Variants in ENTPD1 observed in about 807,000 individuals in gnomAD.
ENTPD1 encodes the protein ectonucleoside triphosphate diphosphohydrolase 1.
ENTPD1 carries 33 observed loss-of-function variants against 57.0 expected under a neutral mutation model. That is an observed-to-expected ratio of 0.58 (90% CI 0.44 to 0.77). ENTPD1 has a LOEUF of 0.77. Ranked by LOEUF, ENTPD1 falls within the 30% of genes least tolerant of loss-of-function variation. The probability of loss-of-function intolerance (pLI) is 0.00; values close to 1 mark genes in which losing one functional copy is unlikely to be tolerated. For missense variants in ENTPD1, 501 were observed against 603.4 expected (o/e 0.83, Z 1.78); for synonymous variants, 202 against 218.8 (o/e 0.92, Z 0.68).
At chr10:95,772,935 A>G (rs2098120329) in intron 1 of ENTPD1, among the ~76,000 whole-genome samples, 1 of 152,200 alleles carries the variant, frequency 6.6e-6, no homozygotes, top group South Asian at 2.1e-4. Flanking sequence ...AAAGAAAGAA[A>G]GTTTATTTGG....
At chr10:95,823,148 G>T (rs1590018298) in intron 1 of ENTPD1, 89 bp from the exon 2 acceptor site, 11 of 1,518,366 alleles carry the variant, frequency 7.2e-6, no homozygotes, top group Non-Finnish European at 1.0e-5. Flanking sequence ...ATGTCTCCAG[G>T]TAGCCATTAC....
chr10:95,807,296 G>C (rs1195285430), intron 1 of ENTPD1, among the ~76,000 whole-genome samples: 1 of 152,216 alleles, frequency 6.6e-6, no homozygotes, highest in Non-Finnish European at 1.5e-5. Flanking sequence ...AAGGCTCCGT[G>C]GGTGTGTGAC....
chr10:95,803,547 A>C (rs1369654935), intron 1 of ENTPD1, among the ~76,000 whole-genome samples: 2 of 151,896 alleles, frequency 1.3e-5, no homozygotes, highest in African/African-American at 4.8e-5. Flanking sequence ...CCACTTTTTG[A>C]TGGGGTTGTT....
chr10:95,870,206 G>A lies in ENTPD1; in HGVS notation c.*3823G>A. 6 of 985,384 alleles carry A rather than the reference G, an allele frequency of 6.1e-6. No individual in the cohort carries two copies. The highest frequency in any genetic ancestry group is 7.2e-6 in the Non-Finnish European group (6 of 829,926). The allele number at this position is 985,384 out of a possible 1,614,324, so 61.0% of individuals were successfully genotyped here. On this transcript the variant is annotated 3_prime_UTR_variant, in exon 10 of 10. Transcript: ENST00000371205. The stretch of plus-strand genomic sequence containing the variant: ...TCCAAGATGCATGACAAGAGACCTT[G>A]GGAAAGTTTCATCTGGATTTAAAGA...
At chr10:95,733,793 T>C (rs1363346918) in intron 1 of ENTPD1, among the ~76,000 whole-genome samples, 1 of 152,170 alleles carries the variant, frequency 6.6e-6, no homozygotes, top group Non-Finnish European at 1.5e-5. Context: ...GTGGCAGAAT[T>C]CTTTGTTAAG....
At chr10:95,730,959 T>C (rs1354549388) in intron 1 of ENTPD1, among the ~76,000 whole-genome samples, 1 of 152,248 alleles carries the variant, frequency 6.6e-6, no homozygotes, top group Non-Finnish European at 1.5e-5. Context: ...TGCTAAGGAC[T>C]TGCCTAAAGT....
intron 1 of ENTPD1, among the ~76,000 whole-genome samples, chr10:95,770,636 C>T (rs2098112836): frequency 6.6e-6 from 1 of 152,156 alleles, no homozygotes; most frequent in South Asian, 2.1e-4. Context: ...AAAGCTTGCT[C>T]TAAGATTCAC....
intron 1 of ENTPD1, among the ~76,000 whole-genome samples, chr10:95,719,436 G>A (rs750297473): frequency 3.5e-4 from 54 of 152,272 alleles, no homozygotes; most frequent in Non-Finnish European, 4.3e-4. Context: ...TGCCGTACCT[G>A]GGAATCCATA....
chr10:95,813,704 G>T (rs1248731665), intron 1 of ENTPD1, among the ~76,000 whole-genome samples: 3 of 152,118 alleles, frequency 2.0e-5, no homozygotes, highest in Admixed American at 2.0e-4. Context: ...TGGTCAGTTG[G>T]GGGGCTTAGA....
At position 95,864,854 on chromosome 10, in the gene ENTPD1, T is replaced by C. The variant is rs746194133; in HGVS notation, c.1319T>C (p.Ile440Thr). 199 of 1,613,392 alleles carry C rather than the reference T, an allele frequency of 1.2e-4. No homozygotes were observed. The highest frequency in any genetic ancestry group is 1.6e-4 in the Non-Finnish European group (185 of 1,179,976). ...GATTCCTGGGAGCACATCCATTTCA[T>C]TGGCAAGGTAATTTGGGGGCCTGTT... is the stretch of plus-strand genomic sequence containing the variant. ...TADSWEHIHF[I>T]GKIQGSDAGW... The change falls in exon 9 of 10, where the codon ATT (isoleucine) becomes ACT (threonine). Residue 440 changes from isoleucine (I) to threonine (T), a missense_variant. Ile to Thr is a moderately conservative substitution (Grantham distance 89). Transcript: ENST00000371205.
rs77481225 is a variant in ENTPD1, at chr10:95,797,102, A to G, written c.17-26135A>G. Among the ~76,000 whole-genome samples, 273 of 152,212 alleles carry G rather than the reference A, an allele frequency of 1.8e-3. 9 individuals carry two copies. The East Asian group carries it at 0.05, about 28-fold the overall frequency. ...AAACACAAAAACAAAATAAGGAGATAAACAAATAGATTTGAGAGGTATTTA... is the reference window on the plus strand; with the variant it reads ...AAACACAAAAACAAAATAAGGAGATGAACAAATAGATTTGAGAGGTATTTA... On this transcript the variant is annotated intron_variant, in intron 1 of 9. Transcript: ENST00000371205.
intron 7 of ENTPD1, among the ~76,000 whole-genome samples, chr10:95,853,984 T>C (rs1163289161): frequency 1.3e-5 from 2 of 152,202 alleles, no homozygotes; most frequent in African/African-American, 2.4e-5. Context: ...TTTCTATTGA[T>C]TGGAATAGTT....
Position 95,845,575 on chromosome 10 carries a change from GA to G in ENTPD1, c.795del (p.Lys265AsnfsTer26). 6.2e-7 allele frequency: 1 copy of G among 1,614,234 alleles called. No homozygotes were observed. Among genetic ancestry groups the G allele is most frequent in the Non-Finnish European group, 8.5e-7 (1 of 1,180,036 alleles). On this transcript the variant is annotated frameshift_variant, in exon 6 of 10. Coordinates refer to ENST00000371205, the MANE Select transcript of ENTPD1 (RefSeq NM_001776.6). LOFTEE classifies it high-confidence loss of function. ...CYGKDQALWQ[K>X]LAKDIQVASN... is the part of the protein sequence containing the mutation. Reference sequence around the variant, plus strand: ...ATGGGAAGGATCAGGCACTCTGGCAGAAACTGGCCAAGGACATTCAGGCAAG... The same window carrying G: ...ATGGGAAGGATCAGGCACTCTGGCAGAACTGGCCAAGGACATTCAGGCAAG...
chr10:95,771,208 A>G (rs1466406439), intron 1 of ENTPD1, among the ~76,000 whole-genome samples: 1 of 152,210 alleles, frequency 6.6e-6, no homozygotes, highest in East Asian at 1.9e-4. Context: ...TCATTTGAAC[A>G]TGTACCATAT....
chr10:95,794,207 T>G (rs112687639), intron 1 of ENTPD1, among the ~76,000 whole-genome samples: 5 of 152,274 alleles, frequency 3.3e-5, no homozygotes, highest in African/African-American at 1.2e-4. Context: ...ATTATTATTA[T>G]TTTTTAGAGT....
At chr10:95,784,324 T>C (rs1286624179) in intron 1 of ENTPD1, among the ~76,000 whole-genome samples, 2 of 152,080 alleles carry the variant, frequency 1.3e-5, no homozygotes, top group Non-Finnish European at 2.9e-5. Context: ...TATATAGACA[T>C]TATGGGGCCA....
chr10:95,835,700 T>C (rs1297924340), intron 2 of ENTPD1, among the ~76,000 whole-genome samples: 6 of 152,212 alleles, frequency 3.9e-5, no homozygotes, highest in African/African-American at 7.2e-5. Context: ...ATGATGAGCA[T>C]TTTTTCAAAA....
intron 2 of ENTPD1, among the ~76,000 whole-genome samples, chr10:95,832,283 C>G (rs1296833402): frequency 6.6e-6 from 1 of 152,140 alleles, no homozygotes; most frequent in African/African-American, 2.4e-5. Context: ...TCAGTTTGAA[C>G]CTCCAGAGTG....
intron 7 of ENTPD1, among the ~76,000 whole-genome samples, chr10:95,858,294 G>A (rs987957715): frequency 6.6e-6 from 1 of 152,186 alleles, no homozygotes; most frequent in African/African-American, 2.4e-5. Flanking sequence ...CAAGTGTACA[G>A]GTTCTAGGGG....
Sources: allele counts gnomAD v4.1 joint callset (sites outside exome capture counted in the v4.1 genomes callset), GRCh38; gene constraint gnomAD v4.1.1; transcripts MANE v1.5; gene names NCBI Gene and HGNC (gene_info 2026-07-23, HGNC 2026-07-21).